Variants in BRD8 observed in about 807,000 individuals in gnomAD.
The protein encoded by BRD8 is bromodomain containing 8, also known as bromodomain-containing protein 8.
Under a neutral mutation model 143.1 loss-of-function variants are expected in BRD8, and 67 were observed. That is an observed-to-expected ratio of 0.47 (90% CI 0.38 to 0.57). BRD8 has a LOEUF of 0.57. Among genes scored for constraint, BRD8 ranks in the 20% least tolerant of loss-of-function variants. The pLI is 0.00. For missense variants in BRD8, 1,103 were observed against 1,503.0 expected (o/e 0.73, Z 4.40); for synonymous variants, 505 against 517.1 (o/e 0.98, Z 0.32).
At chr5:138,147,294 C>CAA (rs200359587) in intron 23 of BRD8, among the ~76,000 whole-genome samples, 4,892 of 134,936 alleles carry the variant, frequency 0.036, 181 homozygotes, top group Admixed American at 0.12. Context: ...ATCTGCTCTT[C>CAA]AAAAAATATA....
intron 8 of BRD8, 72 bp from the exon 9 acceptor site, chr5:138,168,150 G>C: frequency 2.6e-6 from 3 of 1,139,408 alleles, no homozygotes; most frequent in Non-Finnish European, 3.8e-6. Flanking sequence ...CAAAGCTCCA[G>C]CAGTTGATCA....
chr5:138,164,051 C>T, intron 14 of BRD8, 36 bp downstream of exon 14: 23 of 1,598,844 alleles, frequency 1.4e-5, no homozygotes, highest in Non-Finnish European at 2.0e-5. Context: ...GAAATCTAAT[C>T]ACATGGCAAG....
intron 18 of BRD8, 78 bp from the exon 19 acceptor site, chr5:138,160,251 A>T (rs1399514391): frequency 1.0e-6 from 1 of 982,048 alleles, no homozygotes; most frequent in Middle Eastern, 2.1e-4. Flanking sequence ...AAGCACTGTA[A>T]ATAGAACTTT....
At position 138,162,040 on chromosome 5, in the gene BRD8, T is replaced by C; in HGVS notation, c.2180+14A>G. The C allele has an allele frequency of 6.2e-7, 1 of 1,609,076 alleles. No individual in the cohort carries two copies. The highest frequency in any genetic ancestry group is 8.5e-7 in the Non-Finnish European group (1 of 1,177,340). ...AGGAGAAAATGAACCTACTGACTGG[T>C]AAAGCCCACTCACCTATGATTAGCT... On this transcript the variant is annotated intron_variant, in intron 16 of 26. Transcript: ENST00000254900.
chr5:138,159,704 A>C (rs1415866086), intron 19 of BRD8, 105 bp from the exon 20 acceptor site: 1 of 1,108,194 alleles, frequency 9.0e-7, no homozygotes, highest in East Asian at 2.4e-5. Context: ...ACAAGGACAA[A>C]ATTTTAAAAC....
At chr5:138,148,889 G>T (rs1184003542) in intron 23 of BRD8, among the ~76,000 whole-genome samples, 1 of 151,582 alleles carries the variant, frequency 6.6e-6, no homozygotes, top group African/African-American at 2.4e-5. Context: ...ATATAGCAAG[G>T]CCAGCCCTGT....
chr5:138,152,269 C>T (rs1011896008), intron 21 of BRD8, among the ~76,000 whole-genome samples: 3 of 152,346 alleles, frequency 2.0e-5, no homozygotes, highest in East Asian at 3.9e-4. Context: ...GGATTACAGG[C>T]GTGAGCCACT....
At chr5:138,158,262 C>G (rs2151192811) in intron 20 of BRD8, among the ~76,000 whole-genome samples, 1 of 152,238 alleles carries the variant, frequency 6.6e-6, no homozygotes, top group South Asian at 2.1e-4. Flanking sequence ...ACCTTAAGAC[C>G]ATGTAGTTTT....
chr5:138,155,481 A>G (rs1275873964), intron 20 of BRD8, among the ~76,000 whole-genome samples: 1 of 150,606 alleles, frequency 6.6e-6, no homozygotes, highest in Non-Finnish European at 1.5e-5. Context: ...GTTGGCCAGG[A>G]GCAGTCACTC....
chr5:138,162,905 GT>G (rs1753106317), intron 15 of BRD8, among the ~76,000 whole-genome samples: 1 of 152,044 alleles, frequency 6.6e-6, no homozygotes, highest in African/African-American at 2.4e-5. Flanking sequence ...GGAGGCTGAG[GT>G]GGAAGGATTG....
At chr5:138,173,163 C>T (rs1754029414) in intron 2 of BRD8, among the ~76,000 whole-genome samples, 1 of 152,052 alleles carries the variant, frequency 6.6e-6, no homozygotes, top group African/African-American at 2.4e-5. Context: ...TTCGGGAGGT[C>T]GAGGAGGGCA....
At chr5:138,175,830 C>A (rs1754280236) in intron 2 of BRD8, among the ~76,000 whole-genome samples, 1 of 140,024 alleles carries the variant, frequency 7.1e-6, no homozygotes, top group Non-Finnish European at 1.5e-5. Context: ...CGGAGGATCA[C>A]TTGAGCCCAG....
Position 138,170,929 on chromosome 5 carries a change from A to G in BRD8, c.360-17T>C. 6.2e-7 allele frequency: 1 copy of G among 1,613,596 alleles called. No individual in the cohort carries two copies. The highest frequency in any genetic ancestry group is 8.5e-7 in the Non-Finnish European group (1 of 1,179,512). On this transcript the variant is annotated splice_polypyrimidine_tract_variant and intron_variant, in intron 5 of 26. Transcript: ENST00000254900. The stretch of plus-strand genomic sequence containing the variant: ...TTTAGCCGTCTATAGGAAGAAAGAG[A>G]GGTAGGTAGACTGGGTTTTTTAATC...
Position 138,150,927 on chromosome 5 carries a change from C to T in BRD8, c.2938G>A (p.Glu980Lys), listed in dbSNP as rs201507072. Reference sequence around the variant, plus strand: ...TCGCTAGCTTTAATTTCCCTTCCTTCTTGTCTGGTACCAGATGGAGGGCAG... The same window carrying T: ...TCGCTAGCTTTAATTTCCCTTCCTTTTTGTCTGGTACCAGATGGAGGGCAG... ...GCCPPSGTRQ[E>K]GREIKASEGE... The change falls in exon 22 of 27, where the codon GAA becomes AAA. Residue 980 changes from glutamate (E) to lysine (K), a missense_variant. Glu to Lys is a moderately conservative substitution (Grantham distance 56). Transcript: ENST00000254900. 35 of 1,614,054 alleles carry T rather than the reference C, an allele frequency of 2.2e-5. No homozygotes were observed. The highest frequency in any genetic ancestry group is 2.7e-5 in the Non-Finnish European group (32 of 1,180,040).
Position 138,140,098 on chromosome 5 carries a change from C to T in BRD8, c.3684G>A (p.Val1228=), listed in dbSNP as rs423258. Residue 1228 remains valine, a synonymous_variant, in exon 27 of 27, where the codon GTG becomes GTA. Coordinates refer to ENST00000254900, the MANE Select transcript of BRD8 (RefSeq NM_139199.2). ...GTTAGAAAACAGGTTTTCCATCATC[C>T]ACTGGGTTAGCTGGTTCTCCTTCCA... ...SSLEGEPANP[V]DDGKPVF is the part of the protein sequence containing the mutation. 573,694 of 1,612,052 alleles carry T rather than the reference C, an allele frequency of 0.36. 105,546 individuals are homozygous for T. The highest frequency in any genetic ancestry group is 0.44 in the South Asian group (40,056 of 90,990).
Position 138,164,793 on chromosome 5 carries a change from G to A in BRD8, c.1652C>T (p.Thr551Ile). 6.2e-7 allele frequency: 1 copy of A among 1,614,188 alleles called. No homozygotes were observed. Among genetic ancestry groups the A allele is most frequent in the Non-Finnish European group, 8.5e-7 (1 of 1,180,042 alleles). The stretch of plus-strand genomic sequence containing the variant: ...TGCTTCAACAATCTCTCCAGCTGCA[G>A]TACTTCCCAGTTCCTCATCTAAGTC... ...SQDLDEELGSTAAGEIVEADV... is the reference protein window; with the variant it reads ...SQDLDEELGSIAAGEIVEADV... The change falls in exon 12 of 27, where the codon ACT (threonine) becomes ATT (isoleucine). Residue 551 changes from threonine (T) to isoleucine (I), a missense_variant. Thr to Ile is a moderately conservative substitution (Grantham distance 89). This residue lies in a region of BRD8 where 139 missense variants were observed against 139.0 expected (regional missense o/e 1.00). Coordinates refer to ENST00000254900, the MANE Select transcript of BRD8 (RefSeq NM_139199.2).
intron 22 of BRD8, 57 bp downstream of exon 22, chr5:138,150,688 G>A: frequency 2.6e-6 from 4 of 1,539,076 alleles, no homozygotes; most frequent in Non-Finnish European, 3.5e-6. Flanking sequence ...TAACTACTCT[G>A]TTCTGCTTCC....
chr5:138,152,098 C>T (rs977975058), intron 21 of BRD8, among the ~76,000 whole-genome samples: 15 of 151,942 alleles, frequency 9.9e-5, no homozygotes, highest in Admixed American at 9.8e-4. Context: ...TCAAGTGATC[C>T]GCCCGCCTCG....
intron 20 of BRD8, among the ~76,000 whole-genome samples, chr5:138,156,687 C>A (rs1308588297): frequency 6.6e-6 from 1 of 152,136 alleles, no homozygotes; most frequent in Non-Finnish European, 1.5e-5. Context: ...CAATGCAACA[C>A]CTTAAGGTAT....
Sources: allele counts gnomAD v4.1 joint callset (sites outside exome capture counted in the v4.1 genomes callset), GRCh38; gene constraint gnomAD v4.1.1; regional missense constraint gnomAD v4.1.1; transcripts MANE v1.5; gene names NCBI Gene and HGNC (gene_info 2026-07-23, HGNC 2026-07-21).